The following PRKG1 variants were observed in gnomAD, a reference collection of about 807,000 sequenced individuals.
PRKG1 encodes protein kinase cGMP-dependent 1, also known as cGMP-dependent protein kinase 1.
In PRKG1, 35 loss-of-function variants were observed where a neutral mutation model predicts 88.1. That is an observed-to-expected ratio of 0.40 (90% confidence interval 0.30 to 0.53). The LOEUF is 0.53. PRKG1 is among the 20% of genes least tolerant of loss of function. The pLI, the probability that PRKG1 is intolerant of heterozygous loss-of-function variation, is 0.59. For synonymous variants in PRKG1, 303 were observed against 292.5 expected (o/e 1.04, Z -0.37); for missense variants, 540 against 839.8 (o/e 0.64, Z 4.41).
chr10:51,033,463 T>A (rs1479647460), intron 1 of PRKG1, among the ~76,000 whole-genome samples: 1 of 152,194 alleles, frequency 6.6e-6, no homozygotes, highest in African/African-American at 2.4e-5. Flanking sequence ...CTATAGGACA[T>A]GTACCCTTTC....
intron 2 of PRKG1, among the ~76,000 whole-genome samples, chr10:51,296,910 T>C (rs1160187133): frequency 6.6e-6 from 1 of 152,126 alleles, no homozygotes; most frequent in Non-Finnish European, 1.5e-5. Context: ...CTTTGTCTAT[T>C]CTTTCCCTCT....
intron 3 of PRKG1, among the ~76,000 whole-genome samples, chr10:51,575,032 T>A (rs1359020563): frequency 5.9e-5 from 9 of 152,000 alleles, no homozygotes; most frequent in Non-Finnish European, 1.3e-4. Flanking sequence ...GTACTTTGTC[T>A]TGATACTCTA....
chr10:51,813,119 G>T (rs570448979), intron 4 of PRKG1, among the ~76,000 whole-genome samples: 11 of 152,252 alleles, frequency 7.2e-5, no homozygotes, highest in African/African-American at 2.6e-4. Flanking sequence ...TTTGCTTTTT[G>T]TCTAACATCA....
Position 50,991,226 on chromosome 10 carries a change from C to T in PRKG1, c.-153C>T, listed in dbSNP as rs1187230964. 8.7e-7 allele frequency: 1 copy of T among 1,144,514 alleles called. No individual in the cohort carries two copies. The allele number at this position is 1,144,514 out of a possible 1,614,324, so 70.9% of individuals were successfully genotyped here. Reference sequence around the variant, plus strand: ...TCGAAGCAGGAGGCTCCCCGCGCCGCATTAGGGGCGCACTCCGCCGCGCTC... The same window carrying T: ...TCGAAGCAGGAGGCTCCCCGCGCCGTATTAGGGGCGCACTCCGCCGCGCTC... On this transcript the variant is annotated 5_prime_UTR_variant, in exon 1 of 18. Transcript: ENST00000401604. This position sits in a 1 kb window ranked among gnomAD's most constrained non-coding sequence, Gnocchi z 4.5.
chr10:51,231,238 A>T (rs1245412633), intron 2 of PRKG1, among the ~76,000 whole-genome samples: 7 of 152,162 alleles, frequency 4.6e-5, no homozygotes, highest in African/African-American at 1.7e-4. Flanking sequence ...AAAGTTGTAT[A>T]ATTTCCTACT....
intron 2 of PRKG1, among the ~76,000 whole-genome samples, chr10:51,355,059 A>G (rs1379780892): frequency 6.6e-6 from 1 of 152,104 alleles, no homozygotes; most frequent in Non-Finnish European, 1.5e-5. Flanking sequence ...TGACATGACT[A>G]AGCCTTAATT....
chr10:51,153,370 CT>C (rs923203382), intron 2 of PRKG1, 40 bp downstream of exon 2: 3 of 1,527,888 alleles, frequency 2.0e-6, no homozygotes, highest in South Asian at 1.3e-5. Flanking sequence ...TTCAAATATT[CT>C]TTTTTCATCT....
At chr10:51,089,216 T>C in intron 1 of PRKG1, among the ~76,000 whole-genome samples, 1 of 152,200 alleles carries the variant, frequency 6.6e-6, no homozygotes, top group East Asian at 1.9e-4. Flanking sequence ...AATCCCAAAC[T>C]CTGCAACATA....
At chr10:51,981,750 T>C (rs1844016558) in intron 5 of PRKG1, among the ~76,000 whole-genome samples, 1 of 152,194 alleles carries the variant, frequency 6.6e-6, no homozygotes, top group Non-Finnish European at 1.5e-5. Context: ...AAGAGTTTTT[T>C]CTTTCATTTC....
chr10:52,065,099 A>T (rs1302033181), intron 7 of PRKG1, among the ~76,000 whole-genome samples: 1 of 152,186 alleles, frequency 6.6e-6, no homozygotes, highest in African/African-American at 2.4e-5. Context: ...CTTCTCATGT[A>T]TCATGAAGGA....
intron 3 of PRKG1, chr10:51,697,425 C>T: frequency 2.3e-6 from 1 of 436,320 alleles, no homozygotes; most frequent in Non-Finnish European, 4.1e-6. Flanking sequence ...AATATTGCTG[C>T]TTATTCTTTG....
intron 3 of PRKG1, among the ~76,000 whole-genome samples, chr10:51,727,119 C>G (rs1032746338): frequency 1.3e-5 from 2 of 151,814 alleles, no homozygotes; most frequent in African/African-American, 4.8e-5. Flanking sequence ...ATAAATTCCT[C>G]TTTAAAAATG....
In PRKG1 at chr10:51,945,295, T is replaced by G. The variant is rs1396627670; in HGVS notation, c.762+37725T>G. On this transcript the variant is annotated intron_variant, in intron 5 of 17. Transcript: ENST00000373980. ...ATTGCAACCCCAGCCTTTTTTTGTT[T>G]TCCATTTGCTTGGTAGATCTTCCTC... Among the ~76,000 whole-genome samples, 3 of 151,386 alleles carry G rather than the reference T, an allele frequency of 2.0e-5. No homozygotes were observed. The East Asian group carries it at 5.9e-4, about 30-fold the overall frequency.
At chr10:51,299,291 C>G (rs1200807259) in intron 2 of PRKG1, among the ~76,000 whole-genome samples, 1 of 151,808 alleles carries the variant, frequency 6.6e-6, no homozygotes, top group Non-Finnish European at 1.5e-5. Flanking sequence ...CTGCAACCTC[C>G]GCCTCCTGGG....
intron 2 of PRKG1, among the ~76,000 whole-genome samples, chr10:51,291,171 C>T (rs1840573390): frequency 6.6e-6 from 1 of 152,020 alleles, no homozygotes; most frequent in Non-Finnish European, 1.5e-5. Flanking sequence ...AGTTAATGCC[C>T]CTGACCTTTT....
In PRKG1 at chr10:51,811,480, TAG is replaced by T. The variant is rs1444997936; in HGVS notation, c.698+6793_698+6794del. Among the ~76,000 whole-genome samples, 3 of 152,046 alleles carry T rather than the reference TAG, an allele frequency of 2.0e-5. No individual in the cohort carries two copies. The East Asian group carries it at 5.8e-4, about 29-fold the overall frequency. Reference sequence around the variant, plus strand: ...TCTAAAAGTGTAGTCGGGAGAGAATTAGAGTTTGTTGAGTAGAATATAAAGTT... The same window carrying T: ...TCTAAAAGTGTAGTCGGGAGAGAATTAGTTTGTTGAGTAGAATATAAAGTT... On this transcript the variant is annotated intron_variant, in intron 4 of 17. Coordinates refer to ENST00000373980, the MANE Select transcript of PRKG1 (RefSeq NM_006258.4).
intron 3 of PRKG1, among the ~76,000 whole-genome samples, chr10:51,649,952 A>G (rs1328656127): frequency 6.6e-6 from 1 of 152,158 alleles, no homozygotes; most frequent in African/African-American, 2.4e-5. Context: ...AACCAAGTAT[A>G]TGGCCCTTTT....
rs1847664178 is a variant in PRKG1 at position 52,115,451 on chromosome 10, A to G, written c.936-18389A>G. Among the ~76,000 whole-genome samples the G allele has an allele frequency of 2.0e-5, 3 of 152,202 alleles. No homozygotes were observed. In the South Asian group the frequency reaches 6.2e-4, roughly 32 times the overall value. ...CATTATAAATTTCCTGCTATTCCCT[A>G]TACACAATACTTCTCATTTTATTTC... On this transcript the variant is annotated intron_variant, in intron 7 of 17. Coordinates refer to ENST00000373980, the MANE Select transcript of PRKG1 (RefSeq NM_006258.4).
intron 5 of PRKG1, among the ~76,000 whole-genome samples, chr10:51,985,250 T>C (rs556869328): frequency 6.6e-6 from 1 of 152,214 alleles, no homozygotes; most frequent in African/African-American, 2.4e-5. Context: ...AAAGTGCTTA[T>C]GGATTATTTT....
Sources: gnomAD v4.1 joint callset for allele counts (sites outside exome capture counted in the v4.1 genomes callset) on GRCh38, gnomAD v4.1.1 for gene constraint, Gnocchi (gnomAD v3.1) non-coding constraint, MANE v1.5 for transcripts, NCBI Gene and HGNC (gene_info 2026-07-23, HGNC 2026-07-21) for gene names.